The following INSIG2 variants were observed in gnomAD, a reference collection of about 807,000 sequenced individuals.
INSIG2 encodes the protein insulin induced gene 2.
In INSIG2, 10 loss-of-function variants were observed where a neutral mutation model predicts 27.2. That is an observed-to-expected ratio of 0.37 (90% CI 0.23 to 0.62). The LOEUF (loss-of-function observed/expected upper bound fraction) is 0.62, where lower values mean the gene tolerates loss of function less well. INSIG2 is among the 20% of genes least tolerant of loss of function. The pLI, the probability that INSIG2 is intolerant of heterozygous loss-of-function variation, is 0.65. For missense variants in INSIG2, 178 were observed against 270.2 expected, an observed-to-expected ratio of 0.66 and a Z score of 2.39; for synonymous variants, 97 against 95.8, an observed-to-expected ratio of 1.01 and a Z score of -0.07.
chr2:118,089,128 T>C (rs778913385), intron 1 of INSIG2, among the ~76,000 whole-genome samples: 31 of 152,118 alleles, frequency 2.0e-4, no homozygotes, highest in Non-Finnish European at 3.8e-4. Context: ...TTGATGATAA[T>C]TACTAGATTT....
intron 4 of INSIG2, 50 bp downstream of exon 4, chr2:118,106,953 T>C (rs757769739): frequency 1.3e-5 from 21 of 1,583,548 alleles, no homozygotes; most frequent in Non-Finnish European, 1.8e-5. Flanking sequence ...GATAAATAAA[T>C]GATAACCGCT....
chr2:118,106,399 T>TA (rs1430300372), intron 3 of INSIG2, among the ~76,000 whole-genome samples: 1 of 152,258 alleles, frequency 6.6e-6, no homozygotes, highest in African/African-American at 2.4e-5. Context: ...GGCTTCCAGT[T>TA]ACATTTTTAG....
At chr2:118,097,521 C>G (rs1678440365) in intron 2 of INSIG2, among the ~76,000 whole-genome samples, 1 of 152,066 alleles carries the variant, frequency 6.6e-6, no homozygotes, top group Non-Finnish European at 1.5e-5. Flanking sequence ...AAATTAGTAT[C>G]CTATTAGTTA....
At chr2:118,103,974 C>T (rs193223250) in intron 3 of INSIG2, among the ~76,000 whole-genome samples, 1 of 152,224 alleles carries the variant, frequency 6.6e-6, no homozygotes, top group East Asian at 1.9e-4. Flanking sequence ...CTTCTCTGCC[C>T]AGAAAAAAAT....
chr2:118,103,164 A>G, intron 2 of INSIG2, 33 bp from the exon 3 acceptor site: 1 of 1,597,742 alleles, frequency 6.3e-7, no homozygotes, highest in Non-Finnish European at 8.5e-7. Context: ...ACAACATTGG[A>G]GGTAACTTAA....
chr2:118,095,910 C>T (rs1014688697), intron 1 of INSIG2, among the ~76,000 whole-genome samples: 4 of 152,098 alleles, frequency 2.6e-5, no homozygotes, highest in African/African-American at 4.8e-5. Flanking sequence ...AACATTAAAG[C>T]GGGTTATTTT....
chr2:118,090,117 A>G (rs1678190234), intron 1 of INSIG2, among the ~76,000 whole-genome samples: 1 of 152,210 alleles, frequency 6.6e-6, no homozygotes, highest in South Asian at 2.1e-4. Context: ...GTTAGTGCTT[A>G]TTCTATTTCA....
At chr2:118,107,215 T>A in intron 5 of INSIG2, 26 bp downstream of exon 5, 1 of 1,490,692 alleles carries the variant, frequency 6.7e-7, no homozygotes, top group East Asian at 2.3e-5. Flanking sequence ...CTTTTCTGAA[T>A]AAGATGTGGA....
intron 1 of INSIG2, among the ~76,000 whole-genome samples, chr2:118,092,955 G>T (rs1170498238): frequency 1.5e-5 from 2 of 136,494 alleles, no homozygotes; most frequent in African/African-American, 2.8e-5. Context: ...ATGAGGAGGA[G>T]GAGGAGGAGG....
chr2:118,094,860 A>G (rs1678370219), intron 1 of INSIG2, among the ~76,000 whole-genome samples: 1 of 152,204 alleles, frequency 6.6e-6, no homozygotes, highest in Non-Finnish European at 1.5e-5. Context: ...AGGTTGTTTG[A>G]TACTGGAAAA....
chr2:118,106,017 A>G (rs1395229964), intron 3 of INSIG2, among the ~76,000 whole-genome samples: 1 of 152,218 alleles, frequency 6.6e-6, no homozygotes, highest in Non-Finnish European at 1.5e-5. Context: ...ATAGATGCTT[A>G]AGTAGGTGAT....
Position 118,096,545 on chromosome 2 carries a change from AC to A in INSIG2, c.-10del. 1 of 1,598,300 alleles carries A rather than the reference AC, an allele frequency of 6.3e-7. No homozygotes were observed. Among genetic ancestry groups the A allele is most frequent in the African/African-American group, 1.4e-5 (1 of 73,896 alleles). ...TTTTTTTTTTTTAACGGCTTTCTGA[AC>A]CTATGAAACCATGGCAGAAGGAGAG... is the stretch of plus-strand genomic sequence containing the variant. On this transcript the variant is annotated 5_prime_UTR_variant, in exon 2 of 6. Coordinates refer to ENST00000245787, the MANE Select transcript of INSIG2 (RefSeq NM_016133.4).
At chr2:118,090,825 G>A (rs1678207070) in intron 1 of INSIG2, among the ~76,000 whole-genome samples, 1 of 152,206 alleles carries the variant, frequency 6.6e-6, no homozygotes, top group African/African-American at 2.4e-5. Flanking sequence ...CAGAGTGGGT[G>A]AGCCTAGTCC....
chr2:118,090,671 T>A (rs1420586029), intron 1 of INSIG2, among the ~76,000 whole-genome samples: 1 of 152,220 alleles, frequency 6.6e-6, no homozygotes, highest in African/African-American at 2.4e-5. Flanking sequence ...TCTTTGTGAA[T>A]TGTTGAAAAC....
rs1678733364 is a variant in INSIG2 at position 118,108,524 on chromosome 2, TA to T, written c.*205del. 2.2e-6 allele frequency: 1 copy of T among 448,450 alleles called. No homozygotes were observed. Among genetic ancestry groups the T allele is most frequent in the Admixed American group, 4.5e-5 (1 of 22,356 alleles). 27.8% of individuals were successfully genotyped at this position (448,450 alleles called of 1,614,324 possible). On this transcript the variant is annotated 3_prime_UTR_variant, in exon 6 of 6. Coordinates refer to ENST00000245787, the MANE Select transcript of INSIG2 (RefSeq NM_016133.4). ...GATTGCTTCATCTGTAAATCAGTTGTAAACCTTTACATATTTGACTTAAATA... is the reference window on the plus strand; with the variant it reads ...GATTGCTTCATCTGTAAATCAGTTGTAACCTTTACATATTTGACTTAAATA...
Position 118,110,522 on chromosome 2 carries a change from A to C in INSIG2, c.*2200A>C, listed in dbSNP as rs1678788008. Reference sequence around the variant, plus strand: ...TATTAGTGGGCCCACACAGCTGAAAACCATGCTGTTCAAGGGTCAACTGTG... The same window carrying C: ...TATTAGTGGGCCCACACAGCTGAAACCCATGCTGTTCAAGGGTCAACTGTG... On this transcript the variant is annotated 3_prime_UTR_variant, in exon 6 of 6. Transcript: ENST00000245787. 1.3e-5 allele frequency: 2 copies of C among 152,012 alleles called. No individual in the cohort carries two copies. Among genetic ancestry groups the C allele is most frequent in the African/African-American group, 4.8e-5 (2 of 41,366 alleles). 9.4% of individuals were successfully genotyped at this position (152,012 alleles called of 1,614,324 possible).
At chr2:118,108,182 TAATAA>T in intron 5 of INSIG2, 94 bp from the exon 6 acceptor site, 1 of 733,630 alleles carries the variant, frequency 1.4e-6, no homozygotes, top group Non-Finnish European at 2.3e-6. Context: ...GGGCACATAG[TAATAA>T]AATGTTCATT....
chr2:118,092,949 G>T (rs13021269), intron 1 of INSIG2, among the ~76,000 whole-genome samples: 1,594 of 126,868 alleles, frequency 0.013, 47 homozygotes, highest in Non-Finnish European at 0.016. Flanking sequence ...ATGATGATGA[G>T]GAGGAGGAGG....
rs1285799652 is a variant in INSIG2, at chr2:118,100,184, TGA to T, written c.245-3012_245-3011del. Among the ~76,000 whole-genome samples, 1,032 of 152,172 alleles carry T rather than the reference TGA, an allele frequency of 6.8e-3. 11 individuals are homozygous for T. The highest frequency in any genetic ancestry group is 0.023 in the African/African-American group (967 of 41,490). The stretch of plus-strand genomic sequence containing the variant: ...GCACTATTTCTGCGCCATTTACTGC[TGA>T]ATGCTCCTGCCTCAAGGGTCACCTC... On this transcript the variant is annotated intron_variant, in intron 2 of 5. Transcript: ENST00000245787.
Sources: allele counts gnomAD v4.1 joint callset (sites outside exome capture counted in the v4.1 genomes callset), GRCh38; gene constraint gnomAD v4.1.1; transcripts MANE v1.5; gene names NCBI Gene and HGNC (gene_info 2026-07-23, HGNC 2026-07-21).